FBXO34: variants seen among roughly 807,000 people sequenced by gnomAD.
FBXO34 encodes F-box only protein 34.
Under a neutral mutation model 24.5 loss-of-function variants are expected in FBXO34, and 12 were observed. The ratio of observed to expected loss-of-function variants is 0.49; its 90% CI spans 0.31 to 0.79. The LOEUF is 0.79. FBXO34 is among the 30% of genes least tolerant of loss of function. FBXO34 has a pLI of 0.04. For missense variants in FBXO34, 823 were observed against 857.7 expected, an observed-to-expected ratio of 0.96 and a Z score of 0.51; for synonymous variants, 320 against 311.9, an observed-to-expected ratio of 1.03 and a Z score of -0.27.
intron 1 of FBXO34, among the ~76,000 whole-genome samples, chr14:55,294,324 T>G (rs776558659): frequency 2.6e-5 from 4 of 152,098 alleles, no homozygotes; most frequent in Non-Finnish European, 5.9e-5. Context: ...AGACAGGATC[T>G]GGCTCTGTCT....
downstream of FBXO34, among the ~76,000 whole-genome samples, chr14:55,362,685 C>T (rs1884608783): frequency 6.6e-6 from 1 of 152,198 alleles, no homozygotes; most frequent in African/African-American, 2.4e-5. Context: ...TGTGAAACTG[C>T]TGATCACAGA....
chr14:55,411,971 TTG>T, the FBXO34 span: 1 of 716,956 alleles, frequency 1.4e-6, no homozygotes, highest in East Asian at 2.7e-5. Context: ...CCGGGCACTG[TTG>T]TTTTTCCGGT....
chr14:55,376,833 G>A, the FBXO34 span, among the ~76,000 whole-genome samples: 1 of 152,188 alleles, frequency 6.6e-6, no homozygotes, highest in Non-Finnish European at 1.5e-5. Context: ...AGGAAAAAAG[G>A]GCAAACACCC....
chr14:55,437,590 A>T, the FBXO34 span, among the ~76,000 whole-genome samples: 1 of 152,246 alleles, frequency 6.6e-6, no homozygotes, highest in Non-Finnish European at 1.5e-5. Context: ...TTAGATCTCT[A>T]GTAAGTTGCC....
chr14:55,390,981 T>G, the FBXO34 span: 1 of 1,605,706 alleles, frequency 6.2e-7, no homozygotes, highest in Non-Finnish European at 8.5e-7. Context: ...TGCAGGACAT[T>G]ATTTTCCATC....
chr14:55,400,909 T>TAAATAAAATAAAATA, the FBXO34 span, among the ~76,000 whole-genome samples: 65 of 143,358 alleles, frequency 4.5e-4, no homozygotes, highest in African/African-American at 1.5e-3. Flanking sequence ...CTCAAATAAA[T>TAAATAAAATAAAATA]AAATAAAATA....
At chr14:55,429,314 C>T in the FBXO34 span, among the ~76,000 whole-genome samples, 1 of 152,254 alleles carries the variant, frequency 6.6e-6, no homozygotes, top group Non-Finnish European at 1.5e-5. Context: ...CACCTGGGAA[C>T]TTGTTAGAAA....
the FBXO34 span, among the ~76,000 whole-genome samples, chr14:55,440,936 T>C: frequency 1.2e-3 from 185 of 152,294 alleles, 1 homozygote; most frequent in African/African-American, 4.4e-3. Context: ...AACCTCCGCC[T>C]CCCGGGTTCA....
chr14:55,322,585 C>T (rs1044385754), intron 1 of FBXO34, among the ~76,000 whole-genome samples: 3 of 152,072 alleles, frequency 2.0e-5, no homozygotes, highest in Non-Finnish European at 2.9e-5. Context: ...ATCCTCTCAC[C>T]TGGGCTTCCC....
At chr14:55,324,612 A>G (rs1000139506) in intron 1 of FBXO34, among the ~76,000 whole-genome samples, 2 of 150,854 alleles carry the variant, frequency 1.3e-5, no homozygotes, top group South Asian at 2.1e-4. Flanking sequence ...GTAATGATAG[A>G]TTTTTTTTTC....
the FBXO34 span, among the ~76,000 whole-genome samples, chr14:55,442,829 C>T: frequency 3.9e-5 from 6 of 152,050 alleles, no homozygotes; most frequent in Admixed American, 2.6e-4. Flanking sequence ...TGTTGAAGCC[C>T]TGATTTGATC....
intron 1 of FBXO34, among the ~76,000 whole-genome samples, chr14:55,342,264 G>A (rs1053238712): frequency 6.6e-6 from 1 of 152,164 alleles, no homozygotes; most frequent in African/African-American, 2.4e-5. Flanking sequence ...GATGGAAGCC[G>A]TGAGCAGTTT....
At chr14:55,299,146 T>C (rs1365371712) in intron 1 of FBXO34, 3 of 1,206,624 alleles carry the variant, frequency 2.5e-6, no homozygotes, top group African/African-American at 1.5e-5. Flanking sequence ...GACAAGAATT[T>C]GCTGGAAGTC....
the FBXO34 span, among the ~76,000 whole-genome samples, chr14:55,441,037 G>A: frequency 1.3e-5 from 2 of 152,044 alleles, no homozygotes; most frequent in East Asian, 1.9e-4. Context: ...AGTAGAGACT[G>A]GTTTCACCTT....
At chr14:55,427,895 T>G in the FBXO34 span, among the ~76,000 whole-genome samples, 2 of 150,468 alleles carry the variant, frequency 1.3e-5, no homozygotes, top group Non-Finnish European at 3.0e-5. Flanking sequence ...TTTTTTTTTT[T>G]TTTGAGACGG....
chr14:55,435,487 G>T, the FBXO34 span, among the ~76,000 whole-genome samples: 3 of 152,010 alleles, frequency 2.0e-5, no homozygotes, highest in Non-Finnish European at 2.9e-5. Flanking sequence ...TGTTGGTCAG[G>T]CTGGTCTCAA....
At chr14:55,438,056 G>A in the FBXO34 span, among the ~76,000 whole-genome samples, 3 of 152,204 alleles carry the variant, frequency 2.0e-5, no homozygotes, top group Admixed American at 6.5e-5. Context: ...AAATCGATTA[G>A]CTTGATAAAT....
At chr14:55,411,956 C>T in the FBXO34 span, 17 of 779,476 alleles carry the variant, frequency 2.2e-5, no homozygotes, top group Admixed American at 1.1e-4. Flanking sequence ...CCGCGTGTTC[C>T]TGTCCCGGGC....
chr14:55,296,536 A>C (rs1272327241), intron 1 of FBXO34, among the ~76,000 whole-genome samples: 3 of 151,182 alleles, frequency 2.0e-5, no homozygotes, highest in African/African-American at 7.3e-5. Context: ...CTGGAATTAC[A>C]GGCGCCTGCC....
Sources: allele counts gnomAD v4.1 joint callset (sites outside exome capture counted in the v4.1 genomes callset), GRCh38; gene constraint gnomAD v4.1.1; transcripts MANE v1.5; gene names NCBI Gene and HGNC (gene_info 2026-07-23, HGNC 2026-07-21).